The following KIAA0232 variants were observed in gnomAD, a reference collection of about 807,000 sequenced individuals.
The protein encoded by KIAA0232 is KIAA0232.
KIAA0232 carries 27 observed loss-of-function variants against 122.0 expected under a neutral mutation model. The ratio of observed to expected loss-of-function variants is 0.22; its 90% CI spans 0.16 to 0.31. KIAA0232 has a LOEUF of 0.31. Among genes scored for constraint, KIAA0232 ranks in the 10% least tolerant of loss-of-function variants. The probability of loss-of-function intolerance (pLI) is 1.00; values close to 1 mark genes in which losing one functional copy is unlikely to be tolerated. For missense variants in KIAA0232, 1,551 were observed against 1,634.2 expected, an observed-to-expected ratio of 0.95 and a Z score of 0.88; for synonymous variants, 613 against 587.6, an observed-to-expected ratio of 1.04 and a Z score of -0.63.
intron 1 of KIAA0232, among the ~76,000 whole-genome samples, chr4:6,801,588 G>A (rs1159853874): frequency 6.6e-6 from 1 of 152,092 alleles, no homozygotes; most frequent in East Asian, 1.9e-4. Flanking sequence ...GGAGGCTGAG[G>A]TGGGAGGATT....
At chr4:6,876,810 C>T in intron 9 of KIAA0232, 53 bp downstream of exon 9, 1 of 1,262,548 alleles carries the variant, frequency 7.9e-7, no homozygotes, top group African/African-American at 1.5e-5. Context: ...CCACCACCTC[C>T]AGTTGTCACT....
intron 3 of KIAA0232, among the ~76,000 whole-genome samples, chr4:6,829,887 G>C (rs1314338848): frequency 6.6e-6 from 1 of 152,194 alleles, no homozygotes; most frequent in Non-Finnish European, 1.5e-5. Flanking sequence ...GGATGCACTA[G>C]CAGATGAGGG....
chr4:6,784,933 A>T (rs1333165808), intron 1 of KIAA0232, among the ~76,000 whole-genome samples: 1 of 147,156 alleles, frequency 6.8e-6, no homozygotes. Context: ...AGAAGATCAG[A>T]TGAATTTTTT....
At chr4:6,822,260 A>C (rs988333901) in intron 2 of KIAA0232, among the ~76,000 whole-genome samples, 1 of 152,198 alleles carries the variant, frequency 6.6e-6, no homozygotes, top group African/African-American at 2.4e-5. Flanking sequence ...AATTCAGAAA[A>C]GATAATATAG....
Position 6,842,998 on chromosome 4 carries a change from C to G in KIAA0232, c.369+794C>G, listed in dbSNP as rs189745101. On this transcript the variant is annotated intron_variant, in intron 4 of 9. Transcript: ENST00000307659. ...CTAGAAGGGAATAGCAGTTCAAACA[C>G]TTCAAAAGTACTGTATTGGCATATG... Among the ~76,000 whole-genome samples the G allele has an allele frequency of 2.4e-4, 36 of 152,242 alleles. No individual in the cohort carries two copies. The East Asian group carries it at 6.7e-3, about 29-fold the overall frequency.
intron 1 of KIAA0232, among the ~76,000 whole-genome samples, chr4:6,792,981 C>T (rs906234154): frequency 1.3e-5 from 2 of 152,092 alleles, no homozygotes; most frequent in East Asian, 1.9e-4. Context: ...CCACCGTGCT[C>T]GGCCATTCTT....
At chr4:6,847,212 A>T (rs2108755032) in intron 4 of KIAA0232, among the ~76,000 whole-genome samples, 1 of 152,266 alleles carries the variant, frequency 6.6e-6, no homozygotes, top group East Asian at 1.9e-4. Context: ...CGTGTATGTG[A>T]CTGTTATAGT....
chr4:6,831,118 C>T (rs1190709458), intron 3 of KIAA0232, among the ~76,000 whole-genome samples: 1 of 151,868 alleles, frequency 6.6e-6, no homozygotes, highest in African/African-American at 2.4e-5. Context: ...TGCAGTGGTG[C>T]GACCTCGGCT....
intron 3 of KIAA0232, among the ~76,000 whole-genome samples, chr4:6,828,299 G>C (rs188909630): frequency 1.3e-5 from 2 of 152,290 alleles, no homozygotes; most frequent in Admixed American, 6.5e-5. Flanking sequence ...GCTTGAGCCT[G>C]GGGGGTGGAG....
chr4:6,802,238 G>A (rs1264547027), intron 1 of KIAA0232, among the ~76,000 whole-genome samples: 2 of 152,186 alleles, frequency 1.3e-5, no homozygotes, highest in Non-Finnish European at 2.9e-5. Flanking sequence ...CCCGGCTTGG[G>A]CTGGGTAGCC....
Position 6,824,166 on chromosome 4 carries a change from T to TC in KIAA0232, c.-269-17dup. The TC allele has an allele frequency of 2.0e-6, 1 of 499,736 alleles. No individual in the cohort carries two copies. The highest frequency in any genetic ancestry group is 3.5e-6 in the Non-Finnish European group (1 of 283,418). 31.0% of individuals were successfully genotyped at this position (499,736 alleles called of 1,614,324 possible). On this transcript the variant is annotated intron_variant, in intron 2 of 9. Coordinates refer to ENST00000307659, the MANE Select transcript of KIAA0232 (RefSeq NM_014743.3). ...ATTTATATATAATGCATACTTTTTTTCCTCTCTCATTTTTGTAGGTTCTGC... is the reference window on the plus strand; with the variant it reads ...ATTTATATATAATGCATACTTTTTTTCCCTCTCTCATTTTTGTAGGTTCTGC...
chr4:6,795,834 G>A (rs146413652), intron 1 of KIAA0232, among the ~76,000 whole-genome samples: 16 of 152,300 alleles, frequency 1.1e-4, no homozygotes, highest in African/African-American at 2.2e-4. Context: ...CATGCAGTCC[G>A]CTTGCCTTGG....
chr4:6,792,449 C>T (rs1358356807), intron 1 of KIAA0232, among the ~76,000 whole-genome samples: 1 of 152,012 alleles, frequency 6.6e-6, no homozygotes, highest in Non-Finnish European at 1.5e-5. Flanking sequence ...TAAAAATTTT[C>T]TTGGTGGCTA....
At chr4:6,796,160 T>A (rs1189988153) in intron 1 of KIAA0232, among the ~76,000 whole-genome samples, 1 of 152,166 alleles carries the variant, frequency 6.6e-6, no homozygotes, top group Non-Finnish European at 1.5e-5. Context: ...ATATGTAATA[T>A]GTGGAATTGG....
chr4:6,847,008 C>G (rs991837851), intron 4 of KIAA0232, among the ~76,000 whole-genome samples: 18 of 151,928 alleles, frequency 1.2e-4, no homozygotes, highest in African/African-American at 3.9e-4. Flanking sequence ...TCAAAAACCA[C>G]TAACAGTTCA....
In KIAA0232 at chr4:6,869,604, T is replaced by C. The variant is rs956136881; in HGVS notation, c.3802-1970T>C. 3.3e-5 allele frequency among the ~76,000 whole-genome samples: 5 copies of C among 152,242 alleles called. No homozygotes were observed. In the East Asian group the frequency reaches 9.6e-4, roughly 29 times the overall value. On this transcript the variant is annotated intron_variant, in intron 7 of 9. Coordinates refer to ENST00000307659, the MANE Select transcript of KIAA0232 (RefSeq NM_014743.3). The stretch of plus-strand genomic sequence containing the variant: ...ATCTAATAGCAGTACCAATTTTTAT[T>C]GTTAGGATAAGTTGTAGGAGAAATT...
intron 7 of KIAA0232, among the ~76,000 whole-genome samples, chr4:6,870,793 C>T (rs1721434988): frequency 7.7e-6 from 1 of 129,386 alleles, no homozygotes; most frequent in Non-Finnish European, 1.6e-5. Flanking sequence ...CAGAGTGAGA[C>T]TCTGTCTTGG....
chr4:6,796,044 G>A (rs1717120189), intron 1 of KIAA0232, among the ~76,000 whole-genome samples: 1 of 152,194 alleles, frequency 6.6e-6, no homozygotes, highest in Admixed American at 6.5e-5. Flanking sequence ...GGTGTGGACT[G>A]GGTGAGGAGA....
intron 7 of KIAA0232, among the ~76,000 whole-genome samples, chr4:6,868,474 A>C (rs2108820111): frequency 6.6e-6 from 1 of 152,236 alleles, no homozygotes; most frequent in African/African-American, 2.4e-5. Flanking sequence ...TGGGTTTGGG[A>C]GTGATGGCAG....
Sources: gnomAD v4.1 joint callset for allele counts (sites outside exome capture counted in the v4.1 genomes callset) on GRCh38, gnomAD v4.1.1 for gene constraint, MANE v1.5 for transcripts, NCBI Gene and HGNC (gene_info 2026-07-23, HGNC 2026-07-21) for gene names.